Variants in KLHL15 observed in about 807,000 individuals in gnomAD.
The protein encoded by KLHL15 is kelch-like protein 15.
A neutral mutation model predicts 29.3 loss-of-function variants in KLHL15; 1 was observed. The observed-to-expected ratio is 0.03, with a 90% CI of 0.01 to 0.16. The LOEUF (loss-of-function observed/expected upper bound fraction) is 0.16. Ranked by LOEUF, KLHL15 falls within the 10% of genes least tolerant of loss-of-function variation. The pLI is 1.00. For synonymous variants in KLHL15, 212 were observed against 184.5 expected, an observed-to-expected ratio of 1.15 and a Z score of -1.21; for missense variants, 215 against 478.5, an observed-to-expected ratio of 0.45 and a Z score of 5.14.
intron 3 of KLHL15, among the ~76,000 whole-genome samples, chrX:24,004,789 CA>C (rs11288965): frequency 0.22 from 14,568 of 64,958 alleles, 1,002 homozygotes; most frequent in South Asian, 0.58. Context: ...GACTCTGTCT[CA>C]AAAAAAAAAA....
intron 3 of KLHL15, among the ~76,000 whole-genome samples, chrX:23,997,927 C>CA (rs1339163666): frequency 5.6e-5 from 6 of 107,712 alleles, no homozygotes; most frequent in East Asian, 5.9e-4. Context: ...CCATCCCTAC[C>CA]AAAAAAACAA....
chrX:23,987,667 C>A lies in KLHL15; in HGVS notation c.*254G>T. ...TGTTTAAAGCAGAAAATCAATATCC[C>A]AGATAAGTGGAGCATTCTATTCAAC... On this transcript the variant is annotated 3_prime_UTR_variant, in exon 4 of 4. Coordinates refer to ENST00000328046, the MANE Select transcript of KLHL15 (RefSeq NM_030624.3). 1 of 296,523 alleles carries A rather than the reference C, an allele frequency of 3.4e-6. No individual in the cohort carries two copies. Among genetic ancestry groups the A allele is most frequent in the Non-Finnish European group, 5.9e-6 (1 of 170,530 alleles). The allele number at this position is 296,523 out of a possible 1,213,427, so 24.4% of individuals were successfully genotyped here. A position where few individuals can be genotyped will look rare whatever the true frequency, so the allele number is the denominator to read the frequency against.
chrX:24,007,602 T>C (rs1929480675), intron 2 of KLHL15, among the ~76,000 whole-genome samples: 1 of 104,611 alleles, frequency 9.6e-6, no homozygotes, highest in Non-Finnish European at 1.9e-5. Context: ...ATATTGTTCA[T>C]CAAATATACT....
At chrX:24,012,757 C>T (rs993726172) in intron 2 of KLHL15, among the ~76,000 whole-genome samples, 1 of 111,232 alleles carries the variant, frequency 9.0e-6, no homozygotes, top group African/African-American at 3.3e-5. Flanking sequence ...GCCCCCACAT[C>T]AGCTTTTTCA....
chrX:24,004,067 G>A (rs946952631), intron 3 of KLHL15, among the ~76,000 whole-genome samples: 6 of 111,661 alleles, frequency 5.4e-5, no homozygotes, highest in African/African-American at 2.0e-4. Context: ...AGCACAGCTA[G>A]AGGACATGAC....
chrX:24,021,635 A>G (rs1215999095), intron 2 of KLHL15, among the ~76,000 whole-genome samples: 4 of 111,802 alleles, frequency 3.6e-5, no homozygotes, highest in Non-Finnish European at 5.6e-5. Flanking sequence ...AATTCTCGCA[A>G]CCTTCCATGT....
At chrX:23,996,438 G>C (rs746906795) in intron 3 of KLHL15, among the ~76,000 whole-genome samples, 4 of 111,915 alleles carry the variant, frequency 3.6e-5, no homozygotes, top group Non-Finnish European at 7.5e-5. Flanking sequence ...GGCCAGGCGA[G>C]CGGATCATGA....
intron 2 of KLHL15, among the ~76,000 whole-genome samples, chrX:24,009,525 A>T (rs1265772975): frequency 9.3e-6 from 1 of 107,496 alleles, no homozygotes; most frequent in Non-Finnish European, 1.9e-5. Flanking sequence ...AATACAAAAC[A>T]AATACAAAAA....
At chrX:24,020,350 C>T (rs1240707897) in intron 2 of KLHL15, among the ~76,000 whole-genome samples, 1 of 112,340 alleles carries the variant, frequency 8.9e-6, no homozygotes, top group Non-Finnish European at 1.9e-5. Flanking sequence ...CAATACACTA[C>T]TCAAATTGAA....
intron 2 of KLHL15, among the ~76,000 whole-genome samples, chrX:24,013,189 G>C (rs1929608434): frequency 9.0e-6 from 1 of 110,989 alleles, no homozygotes; most frequent in South Asian, 3.8e-4. Flanking sequence ...GTACACAACA[G>C]TCTTGAACTG....
chrX:24,009,517 T>C (rs1929528730), intron 2 of KLHL15, among the ~76,000 whole-genome samples: 1 of 98,727 alleles, frequency 1.0e-5, no homozygotes, highest in Non-Finnish European at 2.1e-5. Context: ...TAAAATAAAA[T>C]ACAAAACAAA....
intron 3 of KLHL15, among the ~76,000 whole-genome samples, chrX:23,996,669 C>A (rs1348381693): frequency 1.8e-5 from 2 of 111,004 alleles, no homozygotes; most frequent in African/African-American, 6.5e-5. Context: ...TCTCAAAAAA[C>A]AAAACAAAAC....
At chrX:24,004,702 A>C (rs1408086224) in intron 3 of KLHL15, among the ~76,000 whole-genome samples, 2 of 108,803 alleles carry the variant, frequency 1.8e-5, no homozygotes, top group African/African-American at 6.7e-5. Flanking sequence ...AGGCAAGAGA[A>C]TCGCTTGAAC....
chrX:24,012,538 T>C (rs1318825020), intron 2 of KLHL15, among the ~76,000 whole-genome samples: 7 of 111,984 alleles, frequency 6.3e-5, no homozygotes, highest in Non-Finnish European at 1.3e-4. Context: ...ATCTAAACAC[T>C]GTTGTCTCCC....
At chrX:24,002,980 A>C (rs920720211) in intron 3 of KLHL15, among the ~76,000 whole-genome samples, 2 of 112,700 alleles carry the variant, frequency 1.8e-5, no homozygotes, top group African/African-American at 6.4e-5. Context: ...CAACTCTGTA[A>C]CATACACTTG....
intron 3 of KLHL15, among the ~76,000 whole-genome samples, chrX:23,999,851 C>T (rs1429941730): frequency 1.8e-5 from 2 of 112,013 alleles, no homozygotes; most frequent in Non-Finnish European, 3.8e-5. Context: ...AGAAAAACAC[C>T]TTGCGTGATT....
In KLHL15 at chrX:23,986,742, A is replaced by G. The variant is rs943325151; in HGVS notation, c.*1179T>C. 1 of 112,019 alleles carries G rather than the reference A, an allele frequency of 8.9e-6. No individual in the cohort carries two copies. Among genetic ancestry groups the G allele is most frequent in the African/African-American group, 3.2e-5 (1 of 30,862 alleles). The allele number at this position is 112,019 out of a possible 1,213,427, so 9.2% of individuals were successfully genotyped here. On this transcript the variant is annotated 3_prime_UTR_variant, in exon 4 of 4. Coordinates refer to ENST00000328046, the MANE Select transcript of KLHL15 (RefSeq NM_030624.3). Reference sequence around the variant, plus strand: ...ATAAAACCAGTAACATTATAATTCTATTTCTTACCTCTAAGTCAAAACTGA... The same window carrying G: ...ATAAAACCAGTAACATTATAATTCTGTTTCTTACCTCTAAGTCAAAACTGA...
At chrX:24,017,238 C>G (rs1013026021) in intron 2 of KLHL15, among the ~76,000 whole-genome samples, 5 of 107,992 alleles carry the variant, frequency 4.6e-5, no homozygotes, top group Admixed American at 1.0e-4. Flanking sequence ...AAATTAGATT[C>G]TATTTGCAAA....
chrX:24,019,641 GACA>G (rs375385445), intron 2 of KLHL15, among the ~76,000 whole-genome samples: 5 of 104,038 alleles, frequency 4.8e-5, no homozygotes, highest in African/African-American at 1.5e-4. Context: ...AGAGATAAGT[GACA>G]ACACACACAC....
Sources: allele counts gnomAD v4.1 joint callset (sites outside exome capture counted in the v4.1 genomes callset), GRCh38; gene constraint gnomAD v4.1.1; transcripts MANE v1.5; gene names NCBI Gene and HGNC (gene_info 2026-07-23, HGNC 2026-07-21).